The following AGBL4 variants were observed in gnomAD, a reference collection of about 807,000 sequenced individuals.
The protein encoded by AGBL4 is cytosolic carboxypeptidase 6.
Under a neutral mutation model 66.4 loss-of-function variants are expected in AGBL4, and 58 were observed. The observed-to-expected ratio is 0.87, with a 90% CI of 0.71 to 1.09. The LOEUF is 1.09. Ranked by LOEUF, AGBL4 falls within the 50% of genes least tolerant of loss-of-function variation. The probability of loss-of-function intolerance (pLI) is 0.00; values close to 1 mark genes in which losing one functional copy is unlikely to be tolerated. For missense variants in AGBL4, 579 were observed against 631.0 expected (o/e 0.92, Z 0.88); for synonymous variants, 234 against 222.9 (o/e 1.05, Z -0.44).
At chr1:49,514,737 T>C (rs1302375531) in intron 3 of AGBL4, among the ~76,000 whole-genome samples, 1 of 151,966 alleles carries the variant, frequency 6.6e-6, no homozygotes, top group Non-Finnish European at 1.5e-5. Context: ...ATGCTGCATA[T>C]CTACAACCAT....
chr1:49,667,082 G>C (rs919560600), intron 3 of AGBL4, among the ~76,000 whole-genome samples: 1 of 152,068 alleles, frequency 6.6e-6, no homozygotes, highest in Non-Finnish European at 1.5e-5. Flanking sequence ...ATAGTTGTGA[G>C]AAACAAATAA....
intron 3 of AGBL4, among the ~76,000 whole-genome samples, chr1:49,307,407 C>T (rs979807724): frequency 6.6e-6 from 1 of 152,186 alleles, no homozygotes; most frequent in Admixed American, 6.6e-5. Context: ...GGCCAGAATT[C>T]TGGCTTTACC....
At chr1:49,468,003 A>G (rs1570789671) in intron 3 of AGBL4, among the ~76,000 whole-genome samples, 1 of 151,988 alleles carries the variant, frequency 6.6e-6, no homozygotes, top group South Asian at 2.1e-4. Flanking sequence ...TAAGCTAATA[A>G]GACTAAACAA....
intron 4 of AGBL4, among the ~76,000 whole-genome samples, chr1:49,188,469 A>G (rs1351513856): frequency 2.0e-5 from 3 of 152,186 alleles, no homozygotes; most frequent in Non-Finnish European, 4.4e-5. Context: ...CTGGGATTCA[A>G]TGGTGAACCA....
At chr1:49,522,878 A>G (rs1317000266) in intron 3 of AGBL4, among the ~76,000 whole-genome samples, 1 of 152,104 alleles carries the variant, frequency 6.6e-6, no homozygotes, top group Non-Finnish European at 1.5e-5. Flanking sequence ...TACTTCCACC[A>G]TTAGTGCCAG....
chr1:49,912,457 T>TTA (rs1466062250), intron 1 of AGBL4, among the ~76,000 whole-genome samples: 1 of 152,238 alleles, frequency 6.6e-6, no homozygotes, highest in African/African-American at 2.4e-5. Flanking sequence ...GTATGTAACA[T>TTA]TACCAAACAT....
intron 6 of AGBL4, among the ~76,000 whole-genome samples, chr1:48,671,650 G>A (rs1205395620): frequency 6.6e-6 from 1 of 152,224 alleles, no homozygotes; most frequent in African/African-American, 2.4e-5. Flanking sequence ...TGCATAGTAA[G>A]TGTTCAAAAG....
chr1:48,659,378 C>G (rs571910224), intron 7 of AGBL4, among the ~76,000 whole-genome samples: 1 of 152,350 alleles, frequency 6.6e-6, no homozygotes, highest in East Asian at 1.9e-4. Flanking sequence ...TCCAAAGCCA[C>G]AGCTGTGCCC....
intron 6 of AGBL4, among the ~76,000 whole-genome samples, chr1:48,835,620 ATTCAGGGGTAG>A (rs1159944563): frequency 8.5e-5 from 13 of 152,162 alleles, no homozygotes; most frequent in African/African-American, 1.7e-4. Context: ...AAATGGAAGC[ATTCAGGGGTAG>A]TTCAGGGGTC....
intron 3 of AGBL4, among the ~76,000 whole-genome samples, chr1:49,556,383 G>C (rs1399014317): frequency 6.6e-6 from 1 of 151,980 alleles, no homozygotes; most frequent in Non-Finnish European, 1.5e-5. Flanking sequence ...GTCGTGAGGT[G>C]GGGGAAGGGG....
At chr1:49,669,240 G>C (rs1437885527) in intron 3 of AGBL4, among the ~76,000 whole-genome samples, 1 of 152,088 alleles carries the variant, frequency 6.6e-6, no homozygotes, top group Non-Finnish European at 1.5e-5. Flanking sequence ...GGAAATAAGG[G>C]AGTTATGGAA....
intron 2 of AGBL4, chr1:49,842,514 T>C: frequency 1.0e-6 from 1 of 987,378 alleles, no homozygotes. Flanking sequence ...TCACAGCAAA[T>C]TTACTACTCA....
chr1:49,467,364 A>G (rs1333133826), intron 3 of AGBL4, among the ~76,000 whole-genome samples: 2 of 151,886 alleles, frequency 1.3e-5, no homozygotes, highest in African/African-American at 2.4e-5. Context: ...AGAAATAAAA[A>G]CTACTAAACT....
At chr1:49,627,354 T>C (rs572391349) in intron 3 of AGBL4, among the ~76,000 whole-genome samples, 24 of 152,222 alleles carry the variant, frequency 1.6e-4, no homozygotes, top group Admixed American at 7.2e-4. Context: ...AGGCACTAAA[T>C]AGTGCAGTAG....
chr1:49,560,819 T>C (rs967140569), intron 3 of AGBL4, among the ~76,000 whole-genome samples: 1 of 152,002 alleles, frequency 6.6e-6, no homozygotes, highest in Non-Finnish European at 1.5e-5. Flanking sequence ...CCTAAAGTCC[T>C]AAAGGAAAAA....
intron 6 of AGBL4, among the ~76,000 whole-genome samples, chr1:48,699,649 C>T (rs1381819593): frequency 1.3e-5 from 2 of 152,284 alleles, no homozygotes; most frequent in Admixed American, 1.3e-4. Flanking sequence ...GGCTCTCTTA[C>T]CTTTTGTTGG....
intron 1 of AGBL4, among the ~76,000 whole-genome samples, chr1:49,987,892 A>G (rs1468232523): frequency 3.3e-5 from 5 of 151,890 alleles, no homozygotes; most frequent in African/African-American, 4.8e-5. Context: ...GAACCTAGAC[A>G]GTCTAATTCA....
chr1:50,023,227 G>C (rs1662577382), intron 1 of AGBL4, among the ~76,000 whole-genome samples: 1 of 152,164 alleles, frequency 6.6e-6, no homozygotes, highest in African/African-American at 2.4e-5. Flanking sequence ...GACCAGGAGT[G>C]ACCCTGAGGA....
At chr1:49,350,321 A>G (rs1313238965) in intron 3 of AGBL4, among the ~76,000 whole-genome samples, 1 of 148,390 alleles carries the variant, frequency 6.7e-6, no homozygotes, top group Non-Finnish European at 1.5e-5. Context: ...CTCCTGCCTC[A>G]GCCTCCCAAG....
Sources: allele counts gnomAD v4.1 joint callset (sites outside exome capture counted in the v4.1 genomes callset), GRCh38; gene constraint gnomAD v4.1.1; transcripts MANE v1.5; gene names NCBI Gene and HGNC (gene_info 2026-07-23, HGNC 2026-07-21).